Variants in DLGAP2 observed in about 807,000 individuals in gnomAD.
The protein encoded by DLGAP2 is disks large-associated protein 2.
DLGAP2 carries 26 observed loss-of-function variants against 100.3 expected under a neutral mutation model. That is an observed-to-expected ratio of 0.26 (90% CI 0.19 to 0.36). The LOEUF is 0.36. Among genes scored for constraint, DLGAP2 ranks in the 10% least tolerant of loss-of-function variants. The pLI is 1.00. For synonymous variants in DLGAP2, 886 were observed against 630.1 expected (o/e 1.41, Z -6.08); for missense variants, 1,858 against 1,453.2 (o/e 1.28, Z -4.53).
intron 3 of DLGAP2, among the ~76,000 whole-genome samples, chr8:1,423,372 G>T (rs1797153326): frequency 6.6e-6 from 1 of 152,136 alleles, no homozygotes; most frequent in East Asian, 1.9e-4. Context: ...CCCAGGTTCT[G>T]TCTCTGGGAG....
intron 3 of DLGAP2, among the ~76,000 whole-genome samples, chr8:1,386,560 G>A (rs780007329): frequency 3.3e-5 from 5 of 152,212 alleles, no homozygotes; most frequent in African/African-American, 7.2e-5. Flanking sequence ...AGATGTGAGA[G>A]TGGAGTAAGA....
At chr8:768,358 G>A (rs982587204) in intron 1 of DLGAP2, among the ~76,000 whole-genome samples, 3 of 150,524 alleles carry the variant, frequency 2.0e-5, no homozygotes, top group Non-Finnish European at 3.0e-5. Context: ...TGTTATTTCA[G>A]TTAAGCTTTT....
chr8:1,569,750 A>G (rs911738930), intron 6 of DLGAP2, among the ~76,000 whole-genome samples: 6 of 152,228 alleles, frequency 3.9e-5, no homozygotes, highest in African/African-American at 1.4e-4. Flanking sequence ...TCTCAGCTGA[A>G]GGTAGCTCAG....
intron 4 of DLGAP2, among the ~76,000 whole-genome samples, chr8:1,512,181 C>T (rs566712100): frequency 2.6e-5 from 4 of 152,334 alleles, no homozygotes; most frequent in East Asian, 3.9e-4. Context: ...AGTGCACTCA[C>T]GTTGCAGAAA....
intron 2 of DLGAP2, among the ~76,000 whole-genome samples, chr8:1,203,963 T>A (rs1797937073): frequency 6.6e-6 from 1 of 152,122 alleles, no homozygotes; most frequent in Non-Finnish European, 1.5e-5. Flanking sequence ...AAAAAATAGG[T>A]CACTTCCAAA....
intron 3 of DLGAP2, among the ~76,000 whole-genome samples, chr8:1,454,159 G>A (rs1278636201): frequency 1.3e-5 from 2 of 152,164 alleles, no homozygotes; most frequent in Non-Finnish European, 2.9e-5. Flanking sequence ...TCGGGTCTTC[G>A]CAAACCCTCT....
chr8:1,479,742 G>A (rs1799037187), intron 3 of DLGAP2, among the ~76,000 whole-genome samples: 1 of 152,178 alleles, frequency 6.6e-6, no homozygotes, highest in South Asian at 2.1e-4. Flanking sequence ...TTTTCCTTGT[G>A]CCTCATCAGA....
In DLGAP2 at chr8:1,089,141, G is replaced by T. The variant is rs571996752; in HGVS notation, c.74-169710G>T. On this transcript the variant is annotated intron_variant, in intron 2 of 14. Transcript: ENST00000637795. ...ACTCTCTCCACCCCTCATCCAGCAG[G>T]CTATGCAATTCTCGCTCCCCGGCCT... Among the ~76,000 whole-genome samples the T allele has an allele frequency of 6.4e-4, 93 of 145,478 alleles. 1 individual carries two copies. Among genetic ancestry groups the T allele is most frequent in the African/African-American group, 2.2e-3 (84 of 38,644 alleles).
At chr8:883,406 C>A (rs1797851049) in intron 1 of DLGAP2, 1 of 151,972 alleles carries the variant, frequency 6.6e-6, no homozygotes, top group Non-Finnish European at 1.5e-5. Flanking sequence ...TGTTTTGATT[C>A]CCTGGTCACA....
chr8:1,114,282 C>G (rs934364448), intron 2 of DLGAP2, among the ~76,000 whole-genome samples: 1 of 152,058 alleles, frequency 6.6e-6, no homozygotes, highest in Non-Finnish European at 1.5e-5. Flanking sequence ...AGTACCAGCT[C>G]TGCTTTATAC....
intron 2 of DLGAP2, among the ~76,000 whole-genome samples, chr8:1,210,764 C>A (rs1214271619): frequency 6.6e-6 from 1 of 151,774 alleles, no homozygotes; most frequent in African/African-American, 2.4e-5. Context: ...CCCTGCAGGG[C>A]ACGTGGATCC....
chr8:1,554,761 C>T (rs772488194), intron 5 of DLGAP2, among the ~76,000 whole-genome samples: 6 of 152,050 alleles, frequency 3.9e-5, no homozygotes, highest in African/African-American at 7.2e-5. Flanking sequence ...GAAGGACCCA[C>T]GCGCCCCAGC....
intron 3 of DLGAP2, among the ~76,000 whole-genome samples, chr8:1,419,654 C>T (rs1204950940): frequency 2.0e-5 from 3 of 152,252 alleles, no homozygotes; most frequent in South Asian, 4.1e-4. Flanking sequence ...AAATCAAAAC[C>T]ACACTGAGAT....
At chr8:1,443,490 A>C (rs1012808400) in intron 3 of DLGAP2, among the ~76,000 whole-genome samples, 14 of 152,154 alleles carry the variant, frequency 9.2e-5, no homozygotes, top group African/African-American at 3.4e-4. Context: ...CTCCTGCAAG[A>C]GAGGGGTGGC....
chr8:840,938 C>A (rs1394761668), intron 1 of DLGAP2, among the ~76,000 whole-genome samples: 1 of 152,234 alleles, frequency 6.6e-6, no homozygotes, highest in African/African-American at 2.4e-5. Flanking sequence ...AGTGGCTGTG[C>A]CCTTTCATCC....
chr8:1,503,470 T>G (rs115640403), intron 4 of DLGAP2, among the ~76,000 whole-genome samples: 2,332 of 152,282 alleles, frequency 0.015, 44 homozygotes, highest in African/African-American at 0.04. Context: ...TGTTGAAGGC[T>G]GAGCCACACT....
intron 5 of DLGAP2, among the ~76,000 whole-genome samples, chr8:1,565,121 C>A (rs1409190090): frequency 6.6e-6 from 1 of 152,170 alleles, no homozygotes; most frequent in Non-Finnish European, 1.5e-5. Flanking sequence ...ATTCCATGCA[C>A]AGGTGCTTGG....
intron 2 of DLGAP2, among the ~76,000 whole-genome samples, chr8:1,173,500 G>A (rs1036494852): frequency 2.0e-5 from 3 of 152,200 alleles, no homozygotes; most frequent in Non-Finnish European, 4.4e-5. Flanking sequence ...AGCCTACAGA[G>A]GCAGGCAGGC....
At chr8:996,421 G>T (rs1238665183) in intron 2 of DLGAP2, among the ~76,000 whole-genome samples, 1 of 152,164 alleles carries the variant, frequency 6.6e-6, no homozygotes, top group Non-Finnish European at 1.5e-5. Flanking sequence ...TGTGCTTTGA[G>T]CAAAGCAAAG....
Sources: gnomAD v4.1 joint callset for allele counts (sites outside exome capture counted in the v4.1 genomes callset) on GRCh38, gnomAD v4.1.1 for gene constraint, MANE v1.5 for transcripts, NCBI Gene and HGNC (gene_info 2026-07-23, HGNC 2026-07-21) for gene names.